COL8A1: variants seen among roughly 807,000 people sequenced by gnomAD.
COL8A1 encodes collagen type VIII alpha 1 chain.
Under a neutral mutation model 42.7 loss-of-function variants are expected in COL8A1, and 21 were observed. The observed-to-expected ratio is 0.49, with a 90% confidence interval of 0.35 to 0.71. COL8A1 has a LOEUF of 0.71. COL8A1 is among the 30% of genes least tolerant of loss of function. The pLI, the probability that COL8A1 is intolerant of heterozygous loss-of-function variation, is 0.01. For missense variants in COL8A1, 788 were observed against 962.4 expected, an observed-to-expected ratio of 0.82 and a Z score of 2.40; for synonymous variants, 367 against 369.1, an observed-to-expected ratio of 0.99 and a Z score of 0.06.
chr3:99,725,828 G>A (rs950940196), intron 1 of COL8A1, among the ~76,000 whole-genome samples: 4 of 151,834 alleles, frequency 2.6e-5, no homozygotes, highest in Non-Finnish European at 5.9e-5. Flanking sequence ...TGGACATTTG[G>A]GTTGGTTCCA....
At chr3:99,712,782 C>T (rs977137594) in intron 1 of COL8A1, among the ~76,000 whole-genome samples, 2 of 152,110 alleles carry the variant, frequency 1.3e-5, no homozygotes, top group African/African-American at 4.8e-5. Context: ...GCCCAGGTCT[C>T]TCCTTGTTTT....
chr3:99,766,588 C>T (rs1332844084), intron 2 of COL8A1, among the ~76,000 whole-genome samples: 3 of 152,162 alleles, frequency 2.0e-5, no homozygotes, highest in Non-Finnish European at 4.4e-5. Context: ...AAATGTGAAG[C>T]TATTAAAATT....
intron 1 of COL8A1, among the ~76,000 whole-genome samples, chr3:99,708,534 C>A (rs375283358): frequency 1.6e-5 from 2 of 127,442 alleles, no homozygotes; most frequent in Non-Finnish European, 3.6e-5. Context: ...ACTTCCTCCG[C>A]CCTTCTTTGA....
chr3:99,729,975 G>A (rs1328978736), intron 1 of COL8A1, among the ~76,000 whole-genome samples: 3 of 152,096 alleles, frequency 2.0e-5, no homozygotes, highest in Admixed American at 6.6e-5. Flanking sequence ...ATGAACATTT[G>A]TCATGCTCCA....
intron 2 of COL8A1, among the ~76,000 whole-genome samples, chr3:99,768,892 G>A (rs1235335579): frequency 2.0e-5 from 3 of 152,196 alleles, no homozygotes; most frequent in Non-Finnish European, 4.4e-5. Flanking sequence ...TCACACACAT[G>A]TGAATTCTAG....
chr3:99,661,347 A>G (rs951369755), intron 1 of COL8A1, among the ~76,000 whole-genome samples: 17 of 152,220 alleles, frequency 1.1e-4, no homozygotes, highest in African/African-American at 4.1e-4. Flanking sequence ...CAACAAGCAC[A>G]TGAAAATATG....
At chr3:99,642,328 G>A (rs1430890053) in intron 1 of COL8A1, among the ~76,000 whole-genome samples, 2 of 152,262 alleles carry the variant, frequency 1.3e-5, no homozygotes, top group East Asian at 3.9e-4. Flanking sequence ...AGTCACACAA[G>A]GTTAGAATGT....
At chr3:99,705,335 A>G (rs564505324) in intron 1 of COL8A1, among the ~76,000 whole-genome samples, 38 of 152,290 alleles carry the variant, frequency 2.5e-4, no homozygotes, top group African/African-American at 8.9e-4. Flanking sequence ...CACCATTTCT[A>G]TAGGCAATCT....
At chr3:99,744,042 C>T (rs909125773) in intron 1 of COL8A1, among the ~76,000 whole-genome samples, 4 of 152,016 alleles carry the variant, frequency 2.6e-5, no homozygotes, top group Admixed American at 2.6e-4. Context: ...CATTCTCCTG[C>T]CTCAGCCTCC....
intron 1 of COL8A1, among the ~76,000 whole-genome samples, chr3:99,719,058 T>C (rs1305397565): frequency 6.6e-6 from 1 of 152,122 alleles, no homozygotes; most frequent in Non-Finnish European, 1.5e-5. Flanking sequence ...ACCATTCCTG[T>C]GTCTCACTTT....
At chr3:99,669,026 A>C (rs1332772975) in intron 1 of COL8A1, among the ~76,000 whole-genome samples, 4 of 151,298 alleles carry the variant, frequency 2.6e-5, no homozygotes, top group African/African-American at 9.7e-5. Flanking sequence ...GCTGCAATCC[A>C]AGGTGTTACT....
intron 1 of COL8A1, among the ~76,000 whole-genome samples, chr3:99,664,206 A>G (rs1245237854): frequency 6.6e-6 from 1 of 152,214 alleles, no homozygotes; most frequent in Non-Finnish European, 1.5e-5. Flanking sequence ...GAAGCTCTCA[A>G]GAGCAGGGAC....
intron 2 of COL8A1, among the ~76,000 whole-genome samples, chr3:99,758,181 G>A (rs946564830): frequency 1.3e-5 from 2 of 152,064 alleles, no homozygotes; most frequent in East Asian, 3.9e-4. Context: ...TAGGCTAATC[G>A]GCTTACAAGT....
intron 1 of COL8A1, among the ~76,000 whole-genome samples, chr3:99,721,432 AG>A (rs1940151636): frequency 3.8e-5 from 1 of 26,590 alleles, no homozygotes; most frequent in Non-Finnish European, 7.1e-5. Flanking sequence ...GGAAAGGGAA[AG>A]GGGAAGGGGA....
intron 1 of COL8A1, among the ~76,000 whole-genome samples, chr3:99,645,696 T>TA (rs58309537): frequency 0.2 from 28,177 of 141,794 alleles, 2,700 homozygotes; most frequent in East Asian, 0.3. Flanking sequence ...GTTTTCTTTT[T>TA]AAAAAAAAAA....
intron 1 of COL8A1, among the ~76,000 whole-genome samples, chr3:99,686,536 C>T (rs1057282852): frequency 4.6e-5 from 7 of 152,112 alleles, no homozygotes; most frequent in African/African-American, 1.7e-4. Context: ...TAGGAGGTCT[C>T]TCAAGGCCCA....
intron 1 of COL8A1, among the ~76,000 whole-genome samples, chr3:99,737,419 C>A (rs1394936784): frequency 1.3e-5 from 2 of 151,808 alleles, no homozygotes; most frequent in African/African-American, 4.8e-5. Flanking sequence ...TTAGGGCAGG[C>A]CTGGTGGTGA....
At chr3:99,738,762 C>T (rs1334723626) in intron 1 of COL8A1, among the ~76,000 whole-genome samples, 1 of 152,228 alleles carries the variant, frequency 6.6e-6, no homozygotes, top group Non-Finnish European at 1.5e-5. Context: ...CCAGTTCGAG[C>T]TTCCTGGCTG....
intron 2 of COL8A1, among the ~76,000 whole-genome samples, chr3:99,774,501 C>A (rs1941654061): frequency 6.6e-6 from 1 of 152,012 alleles, no homozygotes; most frequent in Non-Finnish European, 1.5e-5. Context: ...GGATACACAT[C>A]AAGGATTGGA....
Sources: gnomAD v4.1 joint callset for allele counts (sites outside exome capture counted in the v4.1 genomes callset) on GRCh38, gnomAD v4.1.1 for gene constraint, MANE v1.5 for transcripts, NCBI Gene and HGNC (gene_info 2026-07-23, HGNC 2026-07-21) for gene names.